The following SRRM2 variants were observed in gnomAD, a reference collection of about 807,000 sequenced individuals.
SRRM2 encodes the protein serine/arginine repetitive matrix protein 2.
A neutral mutation model predicts 213.8 loss-of-function variants in SRRM2; 30 were observed. That is an observed-to-expected ratio of 0.14 (90% confidence interval 0.10 to 0.19). The LOEUF (loss-of-function observed/expected upper bound fraction) is 0.19. Among genes scored for constraint, SRRM2 ranks in the 10% least tolerant of loss-of-function variants. The pLI, the probability that SRRM2 is intolerant of heterozygous loss-of-function variation, is 1.00. For missense variants in SRRM2, 4,904 were observed against 3,647.0 expected, an observed-to-expected ratio of 1.34 and a Z score of -8.88; for synonymous variants, 2,025 against 1,377.7, an observed-to-expected ratio of 1.47 and a Z score of -10.40.
chr16:2,767,923 G>C lies in SRRM2; in HGVS notation c.7395G>C (p.Gln2465His). ...FSDQSRCLIA[Q>H]TTPVAGSQSL... ...ACCAATCCCGTTGTTTGATTGCCCA[G>C]ACCACCCCTGTAGCAGGGTCTCAGT... Residue 2465 changes from glutamine to histidine, a missense_variant, in exon 11 of 15, where the codon CAG becomes CAC. Coordinates refer to ENST00000301740, the MANE Select transcript of SRRM2 (RefSeq NM_016333.4). 1 of 1,614,122 alleles carries C rather than the reference G, an allele frequency of 6.2e-7. No individual in the cohort carries two copies. Among genetic ancestry groups the C allele is most frequent in the Non-Finnish European group, 8.5e-7 (1 of 1,180,024 alleles).
chr16:2,760,362 G>C lies in SRRM2; in HGVS notation c.895G>C (p.Ala299Pro), dbSNP rs139163689. 6.2e-7 allele frequency: 1 copy of C among 1,614,120 alleles called. No homozygotes were observed. Among genetic ancestry groups the C allele is most frequent in the African/African-American group, 1.3e-5 (1 of 75,026 alleles). Residue 299 changes from alanine to proline, a missense_variant, in exon 10 of 15, where the codon GCT (alanine) becomes CCT (proline). Ala to Pro is a conservative substitution (Grantham distance 27). Transcript: ENST00000301740. ...CTTGGCTGGGCGAAGTCCTTCCCCT[G>C]CTTCAGGGCGACGCGGGGAGGGAGA... The part of the protein sequence containing the change: ...TALAGRSPSP[A>P]SGRRGEGDAP...
chr16:2,755,842 TTGGACA>T (rs2150770552), intron 1 of SRRM2, among the ~76,000 whole-genome samples: 1 of 152,282 alleles, frequency 6.6e-6, no homozygotes, highest in East Asian at 1.9e-4. Flanking sequence ...GGGAGAGTCT[TTGGACA>T]TGGACTAGAG....
chr16:2,757,345 T>A, intron 2 of SRRM2, 127 bp from the exon 3 acceptor site: 1 of 690,882 alleles, frequency 1.4e-6, no homozygotes, highest in South Asian at 1.8e-5. Context: ...AAGGGACTTT[T>A]GGGTGAGCGA....
chr16:2,770,896 A>G lies in SRRM2; in HGVS notation c.*29A>G. On this transcript the variant is annotated 3_prime_UTR_variant, in exon 15 of 15. Transcript: ENST00000301740. ...GTCTTTGGGGGATTCCACCACACCC[A>G]ATGCTCTGGAGCCACAAGGAGTGTC... is the stretch of plus-strand genomic sequence containing the variant. 1 of 1,613,422 alleles carries G rather than the reference A, an allele frequency of 6.2e-7. No individual in the cohort carries two copies.
chr16:2,756,817 A>G (rs1319271387), intron 2 of SRRM2, among the ~76,000 whole-genome samples: 2 of 152,094 alleles, frequency 1.3e-5, no homozygotes, highest in African/African-American at 4.8e-5. Flanking sequence ...CATAGATGGG[A>G]GCCTGAGGTA....
Position 2,766,041 on chromosome 16 carries a change from G to T in SRRM2, c.5513G>T (p.Arg1838Leu). 4 of 1,614,152 alleles carry T rather than the reference G, an allele frequency of 2.5e-6. No individual in the cohort carries two copies. Among genetic ancestry groups the T allele is most frequent in the South Asian group, 2.2e-5 (2 of 91,084 alleles). ...AGTTCCCGGACCTCCTCTCGACGCC[G>T]AAGAGGCCGCTCTCGGACACCCCCA... ...QESSRTSSRRRRGRSRTPPTS... is the reference protein window; with the variant it reads ...QESSRTSSRRLRGRSRTPPTS... The change falls in exon 11 of 15, where the codon CGA becomes CTA. Residue 1838 changes from arginine to leucine, a missense_variant. Physicochemically the swap from Arg to Leu is moderately radical, Grantham distance 102. Coordinates refer to ENST00000301740, the MANE Select transcript of SRRM2 (RefSeq NM_016333.4). The surrounding 1 kb of genome is among the most constrained non-coding windows in gnomAD (Gnocchi z 7.0).
intron 3 of SRRM2, 21 bp from the exon 4 acceptor site, chr16:2,757,759 CT>C: frequency 6.2e-7 from 1 of 1,611,854 alleles, no homozygotes; most frequent in South Asian, 1.1e-5. Context: ...TTCCTTCAGA[CT>C]TTTGCCCTTC....
In SRRM2 at chr16:2,770,386, A is replaced by C; in HGVS notation, c.8056A>C (p.Arg2686=). ...CCCCCGGAAGCCAATAGACTCCCTCAGGGACTCTCGGTCCCTCAGCTACTC... is the reference window on the plus strand; with the variant it reads ...CCCCCGGAAGCCAATAGACTCCCTCCGGGACTCTCGGTCCCTCAGCTACTC... The part of the protein sequence containing the change: ...RSPRKPIDSL[R]DSRSLSYSPV... Residue 2686 remains arginine, a synonymous_variant, in exon 13 of 15, where the codon AGG becomes CGG. Transcript: ENST00000301740. 1 of 1,608,632 alleles carries C rather than the reference A, an allele frequency of 6.2e-7. No homozygotes were observed. The highest frequency in any genetic ancestry group is 1.7e-4 in the Middle Eastern group (1 of 6,056).
rs371298816 is a variant in SRRM2 at position 2,756,562 on chromosome 16, C to T, written c.198C>T (p.Val66=). 6.2e-6 allele frequency: 10 copies of T among 1,613,956 alleles called. No homozygotes were observed. Among genetic ancestry groups the T allele is most frequent in the Admixed American group, 3.3e-5 (2 of 60,008 alleles). ...TGGACCACGAGCGCAAGCGGCGCGT[C>T]GAGCTGCGATGCCTCGAGCTGGAGG... The part of the protein sequence containing the change: ...DILDHERKRR[V]ELRCLELEEM... The change falls in exon 2 of 15, where the codon GTC becomes GTT. Residue 66 remains valine (V), a synonymous_variant. Transcript: ENST00000301740.
At chr16:2,759,260 C>G in intron 7 of SRRM2, 88 bp downstream of exon 7, 1 of 1,604,494 alleles carries the variant, frequency 6.2e-7, no homozygotes, top group Non-Finnish European at 8.5e-7. Context: ...CCTTGATCTT[C>G]CTTGTGTCAA....
rs565081515 is a variant in SRRM2 at position 2,765,953 on chromosome 16, C to T, written c.5425C>T (p.Arg1809Trp). Residue 1809 changes from arginine (R) to tryptophan (W), a missense_variant, in exon 11 of 15, where the codon CGG (arginine) becomes TGG (tryptophan). Arg to Trp is a moderately radical substitution (Grantham distance 101, BLOSUM62 -3). Coordinates refer to ENST00000301740, the MANE Select transcript of SRRM2 (RefSeq NM_016333.4). ...AAGACAGCGGAGCCGGTCAAGGTCG[C>T]GGGTTACTCGGCGGCGGAGGGGAGG... ...RRRQRSRSRSRVTRRRRGGSG... is the reference protein window; with the variant it reads ...RRRQRSRSRSWVTRRRRGGSG... 23 of 1,614,094 alleles carry T rather than the reference C, an allele frequency of 1.4e-5. No homozygotes were observed. Among genetic ancestry groups the T allele is most frequent in the East Asian group, 4.5e-5 (2 of 44,872 alleles).
chr16:2,761,935 G>A lies in SRRM2; in HGVS notation c.1407G>A (p.Arg469=). The A allele has an allele frequency of 6.2e-7, 1 of 1,613,936 alleles. No individual in the cohort carries two copies. The highest frequency in any genetic ancestry group is 8.5e-7 in the Non-Finnish European group (1 of 1,180,008). Residue 469 remains arginine, a synonymous_variant, in exon 11 of 15, where the codon CGG becomes CGA. Coordinates refer to ENST00000301740, the MANE Select transcript of SRRM2 (RefSeq NM_016333.4). ...ATCGCTCACATGGCCGAGCAAAACGGGATAAATCACATTCTCATACCCCCT... is the reference window on the plus strand; with the variant it reads ...ATCGCTCACATGGCCGAGCAAAACGAGATAAATCACATTCTCATACCCCCT... ...SKNRSHGRAK[R]DKSHSHTPSR...
intron 1 of SRRM2, 48 bp from the exon 2 acceptor site, chr16:2,756,286 T>C (rs973941028): frequency 2.1e-5 from 31 of 1,442,110 alleles, no homozygotes; most frequent in Admixed American, 5.3e-5. Context: ...CGGTAAGTGG[T>C]TAGTTTGGGG....
Position 2,770,605 on chromosome 16 carries a change from A to G in SRRM2, c.8137A>G (p.Ser2713Gly). The change falls in exon 14 of 15, where the codon AGC becomes GGC. Residue 2713 changes from serine (S) to glycine (G), a missense_variant and splice_region_variant. Ser to Gly is a moderately conservative substitution (Grantham distance 56, BLOSUM62 0). Transcript: ENST00000301740. ...PQPSPRDQQS[S>G]SSERGSRRGQ... ...CCTGATGTCTGTCCTGTGTTGCAGC[A>G]GCAGCAGTGAGCGGGGTTCCCGGAG... is the stretch of plus-strand genomic sequence containing the variant. The G allele has an allele frequency of 1.9e-6, 3 of 1,553,058 alleles. No individual in the cohort carries two copies. The highest frequency in any genetic ancestry group is 2.6e-6 in the Non-Finnish European group (3 of 1,147,924).
rs367767197 is a variant in SRRM2 at position 2,763,891 on chromosome 16, C to T, written c.3363C>T (p.Phe1121=). ...RSPIRQDRGE[F]SASPMLKSGM... ...CAATAAGACAAGATAGAGGTGAGTTCTCAGCGAGTCCTATGTTGAAATCTG... is the reference window on the plus strand; with the variant it reads ...CAATAAGACAAGATAGAGGTGAGTTTTCAGCGAGTCCTATGTTGAAATCTG... The change falls in exon 11 of 15, where the codon TTC becomes TTT. Residue 1121 remains phenylalanine (F), a synonymous_variant. Transcript: ENST00000301740. The T allele has an allele frequency of 1.9e-6, 3 of 1,614,186 alleles. No individual in the cohort carries two copies. Among genetic ancestry groups the T allele is most frequent in the Non-Finnish European group, 1.7e-6 (2 of 1,180,024 alleles).
At chr16:2,761,265 A>T (rs976192662) in intron 10 of SRRM2, among the ~76,000 whole-genome samples, 3 of 152,194 alleles carry the variant, frequency 2.0e-5, no homozygotes, top group African/African-American at 7.2e-5. Flanking sequence ...TTTCCATTTA[A>T]AGATAGTTTT....
chr16:2,768,500 T>C (rs2068623494), intron 11 of SRRM2: 1 of 692,734 alleles, frequency 1.4e-6, no homozygotes, highest in African/African-American at 1.8e-5. Flanking sequence ...TTTCCGTCTC[T>C]ACAGAGGACA....
chr16:2,769,132 CTCCTCCTCT>C lies in SRRM2; in HGVS notation c.7872_7880del (p.Ser2646_Ser2648del), dbSNP rs755384821. On this transcript the variant is annotated inframe_deletion, in exon 12 of 15. Transcript: ENST00000301740. ...CCTCTTCATCTTCCTCCTCCTCCTC[CTCCTCCTCT>C]TCTTCCTCCTCCTCTTCCTCTTCTT... 6.2e-7 allele frequency: 1 copy of C among 1,612,998 alleles called. No homozygotes were observed. The highest frequency in any genetic ancestry group is 8.5e-7 in the Non-Finnish European group (1 of 1,179,074).
rs763708196 is a variant in SRRM2 at position 2,766,522 on chromosome 16, A to G, written c.5994A>G (p.Thr1998=). ...CCCGAAGGAGATCTCGATCTCGCAC[A>G]TCTCCAGTAACTCGAAGAAGGTCCC... ...PVTRRRSRSR[T]SPVTRRRSRS... Residue 1998 remains threonine, a synonymous_variant, in exon 11 of 15, where the codon ACA becomes ACG. Transcript: ENST00000301740. This position sits in a 1 kb window ranked among gnomAD's most constrained non-coding sequence, Gnocchi z 7.0. 5 of 1,613,948 alleles carry G rather than the reference A, an allele frequency of 3.1e-6. No individual in the cohort carries two copies. In the Admixed American group the frequency reaches 5.0e-5, roughly 16 times the overall value.
Sources: gnomAD v4.1 joint callset for allele counts (sites outside exome capture counted in the v4.1 genomes callset) on GRCh38, gnomAD v4.1.1 for gene constraint, Gnocchi (gnomAD v3.1) non-coding constraint, MANE v1.5 for transcripts, NCBI Gene and HGNC (gene_info 2026-07-23, HGNC 2026-07-21) for gene names.